Variants in MCF2L observed in about 807,000 individuals in gnomAD.
MCF2L encodes the protein guanine nucleotide exchange factor DBS.
In MCF2L, 97 loss-of-function variants were observed where a neutral mutation model predicts 153.4. That is an observed-to-expected ratio of 0.63 (90% CI 0.54 to 0.75). The LOEUF is 0.75. Among genes scored for constraint, MCF2L ranks in the 30% least tolerant of loss-of-function variants. The probability of loss-of-function intolerance (pLI) is 0.00; values close to 1 mark genes in which losing one functional copy is unlikely to be tolerated. For synonymous variants in MCF2L, 659 were observed against 632.2 expected (o/e 1.04, Z -0.64); for missense variants, 1,347 against 1,495.2 (o/e 0.90, Z 1.64).
In MCF2L at chr13:112,951,763, G is replaced by A. The variant is rs2081696901; in HGVS notation, c.169+49392G>A. Among the ~76,000 whole-genome samples, 1 of 152,166 alleles carries A rather than the reference G, an allele frequency of 6.6e-6. No homozygotes were observed. The highest frequency in any genetic ancestry group is 1.5e-5 in the Non-Finnish European group (1 of 68,020). ...CTGGCTGCGTCATTGTCAGTATGCT[G>A]GCTGCAGTCGTGTGCTGTAGTTTGG... On this transcript the variant is annotated intron_variant, in intron 2 of 29. Coordinates refer to the MCF2L transcript ENST00000375608. The surrounding 1 kb of genome is among the most constrained non-coding windows in gnomAD (Gnocchi z 4.8).
At position 113,064,512 on chromosome 13, in the gene MCF2L, AAC is replaced by A. The variant is rs1302128713; in HGVS notation, c.606+96_606+97del. On this transcript the variant is annotated intron_variant, in intron 6 of 29. Transcript: ENST00000535094. The surrounding 1 kb of genome is among the most constrained non-coding windows in gnomAD (Gnocchi z 6.0). ...GCATTACAACACGGCCCTTTCCAAA[AAC>A]ACATTCACATTAACAGTCGTTTTCT... The A allele has an allele frequency of 1.3e-6, 1 of 786,676 alleles. No homozygotes were observed. Among genetic ancestry groups the A allele is most frequent in the African/African-American group, 1.7e-5 (1 of 59,034 alleles). 48.7% of individuals were successfully genotyped at this position (786,676 alleles called of 1,614,324 possible).
chr13:113,026,091 G>A (rs9604012), intron 3 of MCF2L, among the ~76,000 whole-genome samples: 11,628 of 107,974 alleles, frequency 0.11, 1,677 homozygotes, highest in Non-Finnish European at 0.17. Context: ...ACTGTGGGTC[G>A]GGGCAGAGTC....
rs571143906 is a variant in MCF2L at position 113,081,150 on chromosome 13, G to A, written c.1809-63G>A. 5.8e-6 allele frequency: 8 copies of A among 1,388,052 alleles called. No individual in the cohort carries two copies. The South Asian group carries it at 9.1e-5, about 16-fold the overall frequency. 86.0% of individuals were successfully genotyped at this position (1,388,052 alleles called of 1,614,324 possible). ...TCTAGGTGGCACCTGTGAGACTGTG[G>A]AGCAGACCATTCCTGCTCTCCCAGT... On this transcript the variant is annotated intron_variant, in intron 15 of 29. Coordinates refer to ENST00000535094, the MANE Select transcript of MCF2L (RefSeq NM_001112732.3).
chr13:112,979,553 G>A, intron 1 of MCF2L: 1 of 1,545,652 alleles, frequency 6.5e-7, no homozygotes, highest in Non-Finnish European at 8.7e-7. Flanking sequence ...GCTTTTAGCT[G>A]TCGCAGCAGA....
At chr13:113,049,692 T>C (rs1053832554) in intron 4 of MCF2L, among the ~76,000 whole-genome samples, 1 of 152,126 alleles carries the variant, frequency 6.6e-6, no homozygotes, top group African/African-American at 2.4e-5. Context: ...GCCCAGCTCA[T>C]GGTGCTGCGG....
At chr13:112,976,762 A>G (rs1254012663) in intron 1 of MCF2L, among the ~76,000 whole-genome samples, 2 of 152,218 alleles carry the variant, frequency 1.3e-5, no homozygotes, top group Non-Finnish European at 2.9e-5. Flanking sequence ...CATGGCGGGA[A>G]GACGACAGAG....
In MCF2L at chr13:113,064,831, C is replaced by T; in HGVS notation, c.607-105C>T. Reference sequence around the variant, plus strand: ...CCGTCTTTGCGTCAGCCGGTCTCACCTGATGGGTCTGTGTGGGAACGGTTT... The same window carrying T: ...CCGTCTTTGCGTCAGCCGGTCTCACTTGATGGGTCTGTGTGGGAACGGTTT... On this transcript the variant is annotated intron_variant, in intron 6 of 29. Transcript: ENST00000535094. The surrounding 1 kb of genome is among the most constrained non-coding windows in gnomAD (Gnocchi z 6.0). The T allele has an allele frequency of 7.5e-7, 1 of 1,337,040 alleles. No homozygotes were observed. Among genetic ancestry groups the T allele is most frequent in the East Asian group, 2.4e-5 (1 of 42,396 alleles). The allele number at this position is 1,337,040 out of a possible 1,614,324, so 82.8% of individuals were successfully genotyped here. A position where few individuals can be genotyped will look rare whatever the true frequency, so the allele number is the denominator to read the frequency against.
chr13:112,989,054 A>C (rs1194410384), intron 1 of MCF2L, among the ~76,000 whole-genome samples: 1 of 79,766 alleles, frequency 1.3e-5, no homozygotes, highest in African/African-American at 4.9e-5. Flanking sequence ...CCTGAGCAGG[A>C]CATGGAGCTA....
At chr13:113,024,532 A>G in intron 2 of MCF2L, 112 bp from the exon 3 acceptor site, 2 of 659,328 alleles carry the variant, frequency 3.0e-6, no homozygotes, top group Non-Finnish European at 5.6e-6. Context: ...GATGAAGAAC[A>G]TGCCTCAGTT....
At chr13:113,091,818 C>T (rs777966615) in intron 26 of MCF2L, among the ~76,000 whole-genome samples, 1 of 152,220 alleles carries the variant, frequency 6.6e-6, no homozygotes, top group Non-Finnish European at 1.5e-5. Context: ...CCTTCAAGTG[C>T]AGGGACGGGG....
At position 113,070,684 on chromosome 13, in the gene MCF2L, A is replaced by G. The variant is rs187040720; in HGVS notation, c.996+511A>G. ...CCGTGGCTGTGCTTTTGCCATTTCA[A>G]GAATGTGACATTAATGAATCCCACA... On this transcript the variant is annotated intron_variant, in intron 9 of 29. Transcript: ENST00000535094. The surrounding 1 kb of genome is among the most constrained non-coding windows in gnomAD (Gnocchi z 5.6). Among the ~76,000 whole-genome samples the G allele has an allele frequency of 2.6e-3, 400 of 152,290 alleles. 3 individuals carry two copies. Among genetic ancestry groups the G allele is most frequent in the Non-Finnish European group, 2.5e-3 (173 of 68,024 alleles).
upstream of MCF2L, chr13:112,969,141 C>T (rs1255701467): frequency 3.2e-5 from 10 of 310,460 alleles, no homozygotes; most frequent in Admixed American, 5.7e-5. The surrounding 1 kb of genome is among the most constrained non-coding windows in gnomAD (Gnocchi z 4.8). Context: ...CCGGGGCGGG[C>T]GCGCGCCGCT....
In MCF2L at chr13:113,095,789, C is replaced by T. The variant is rs1002025399; in HGVS notation, c.3076-582C>T. 7 of 999,930 alleles carry T rather than the reference C, an allele frequency of 7.0e-6. No homozygotes were observed. The East Asian group carries it at 4.5e-4, about 64-fold the overall frequency. 61.9% of individuals were successfully genotyped at this position (999,930 alleles called of 1,614,324 possible). A position where few individuals can be genotyped will look rare whatever the true frequency, so the allele number is the denominator to read the frequency against. Reference sequence around the variant, plus strand: ...CTCCCCACTCTGTAGGAACAGCTGCCGCTTCCTGGGTCCCCATTCCCCAAC... The same window carrying T: ...CTCCCCACTCTGTAGGAACAGCTGCTGCTTCCTGGGTCCCCATTCCCCAAC... On this transcript the variant is annotated intron_variant, in intron 27 of 29. Coordinates refer to ENST00000535094, the MANE Select transcript of MCF2L (RefSeq NM_001112732.3).
Position 113,070,369 on chromosome 13 carries a change from C to G in MCF2L, c.996+196C>G, listed in dbSNP as rs1198765582. The G allele has an allele frequency of 9.2e-6, 4 of 434,914 alleles. No homozygotes were observed. The highest frequency in any genetic ancestry group is 8.4e-5 in the African/African-American group (4 of 47,584). The allele number at this position is 434,914 out of a possible 1,614,324, so 26.9% of individuals were successfully genotyped here. On this transcript the variant is annotated intron_variant, in intron 9 of 29. Transcript: ENST00000535094. This position sits in a 1 kb window ranked among gnomAD's most constrained non-coding sequence, Gnocchi z 5.6. ...CCTTGAAATGCACGATTGATGACTGCGTCATTGTATAGAAAGGTGATTGAA... is the reference window on the plus strand; with the variant it reads ...CCTTGAAATGCACGATTGATGACTGGGTCATTGTATAGAAAGGTGATTGAA...
At chr13:113,050,874 G>C (rs1472189534) in intron 4 of MCF2L, among the ~76,000 whole-genome samples, 2 of 151,980 alleles carry the variant, frequency 1.3e-5, no homozygotes, top group African/African-American at 4.8e-5. Context: ...GAGTTGTCCA[G>C]ATGGAGGGGG....
intron 26 of MCF2L, among the ~76,000 whole-genome samples, chr13:113,092,088 A>T (rs80238657): frequency 6.6e-6 from 1 of 152,106 alleles, no homozygotes; most frequent in Admixed American, 6.5e-5. Context: ...GGGAGAAGGG[A>T]GTCATTTCCC....
intron 3 of MCF2L, among the ~76,000 whole-genome samples, chr13:113,041,535 G>A (rs930254806): frequency 4.6e-5 from 7 of 151,818 alleles, no homozygotes; most frequent in South Asian, 4.1e-4. Flanking sequence ...GGGGGATCAC[G>A]TGGCCCTGCC....
intron 4 of MCF2L, among the ~76,000 whole-genome samples, chr13:113,051,824 C>T (rs1453428566): frequency 6.6e-6 from 1 of 152,124 alleles, no homozygotes; most frequent in African/African-American, 2.4e-5. Flanking sequence ...TGAGCCAGCC[C>T]AGGGCTGCCC....
chr13:112,917,414 C>T (rs2081305316), intron 2 of MCF2L: 1 of 337,754 alleles, frequency 3.0e-6, no homozygotes, highest in African/African-American at 2.2e-5. Flanking sequence ...CAGAACAGAT[C>T]CAGAATCCAG....
Sources: gnomAD v4.1 joint callset for allele counts (sites outside exome capture counted in the v4.1 genomes callset) on GRCh38, gnomAD v4.1.1 for gene constraint, Gnocchi (gnomAD v3.1) non-coding constraint, MANE v1.5 for transcripts, NCBI Gene and HGNC (gene_info 2026-07-23, HGNC 2026-07-21) for gene names.